The following CTNNA2 variants were observed in gnomAD, a reference collection of about 807,000 sequenced individuals.
CTNNA2 encodes catenin alpha-2.
A neutral mutation model predicts 101.0 loss-of-function variants in CTNNA2; 42 were observed. The ratio of observed to expected loss-of-function variants is 0.42; its 90% confidence interval spans 0.32 to 0.54. The LOEUF (loss-of-function observed/expected upper bound fraction) is 0.54. Ranked by LOEUF, CTNNA2 falls within the 20% of genes least tolerant of loss-of-function variation. CTNNA2 has a pLI of 0.14. For synonymous variants in CTNNA2, 450 were observed against 456.4 expected, an observed-to-expected ratio of 0.99 and a Z score of 0.18; for missense variants, 871 against 1,223.1, an observed-to-expected ratio of 0.71 and a Z score of 4.29.
At chr2:79,459,553 G>A (rs540865077) in intron 4 of CTNNA2, among the ~76,000 whole-genome samples, 10 of 152,124 alleles carry the variant, frequency 6.6e-5, no homozygotes, top group South Asian at 6.2e-4. Context: ...AGTTTTACTC[G>A]TAGGAACATT....
intron 1 of CTNNA2, among the ~76,000 whole-genome samples, chr2:79,647,574 C>T (rs1326194516): frequency 6.6e-6 from 1 of 152,072 alleles, no homozygotes; most frequent in African/African-American, 2.4e-5. Context: ...AGTGTGATCT[C>T]TGCCGAGACA....
intron 7 of CTNNA2, among the ~76,000 whole-genome samples, chr2:80,057,001 A>G (rs758652087): frequency 3.3e-5 from 5 of 152,230 alleles, no homozygotes; most frequent in South Asian, 4.1e-4. Flanking sequence ...TTGAATTTAC[A>G]TATCTTCACT....
chr2:80,335,124 G>C (rs1414427102), intron 7 of CTNNA2, among the ~76,000 whole-genome samples: 2 of 152,188 alleles, frequency 1.3e-5, no homozygotes, highest in African/African-American at 4.8e-5. Flanking sequence ...TTCAGTATGA[G>C]GTTAGGAAAA....
At chr2:80,451,067 A>G (rs1163366083) in intron 9 of CTNNA2, among the ~76,000 whole-genome samples, 1 of 151,990 alleles carries the variant, frequency 6.6e-6, no homozygotes, top group African/African-American at 2.4e-5. Context: ...CTGGTGCATT[A>G]TCCTTTGTGT....
intron 2 of CTNNA2, among the ~76,000 whole-genome samples, chr2:79,685,126 A>C (rs1165071862): frequency 6.6e-6 from 1 of 152,086 alleles, no homozygotes; most frequent in Non-Finnish European, 1.5e-5. Flanking sequence ...AAAATTGCTA[A>C]TTTATTTATT....
intron 7 of CTNNA2, among the ~76,000 whole-genome samples, chr2:80,204,336 C>T (rs1294820376): frequency 6.6e-6 from 1 of 152,106 alleles, no homozygotes; most frequent in East Asian, 1.9e-4. Flanking sequence ...GCTGTCTTTC[C>T]CCTTTAAAAC....
At chr2:80,120,890 G>A (rs187860540) in intron 7 of CTNNA2, among the ~76,000 whole-genome samples, 1 of 152,296 alleles carries the variant, frequency 6.6e-6, no homozygotes, top group Admixed American at 6.5e-5. Flanking sequence ...TGTCCCATGT[G>A]CCTCAATGAT....
intron 7 of CTNNA2, among the ~76,000 whole-genome samples, chr2:80,096,560 T>G (rs1158900563): frequency 6.6e-6 from 1 of 152,160 alleles, no homozygotes; most frequent in Non-Finnish European, 1.5e-5. Flanking sequence ...CTGGATATCC[T>G]TGTTAACTTT....
chr2:80,071,281 A>G (rs928220583), intron 7 of CTNNA2, among the ~76,000 whole-genome samples: 6 of 152,256 alleles, frequency 3.9e-5, no homozygotes, highest in African/African-American at 1.4e-4. Flanking sequence ...GTAACAAGAA[A>G]GAAAGGAGAG....
intron 6 of CTNNA2, among the ~76,000 whole-genome samples, chr2:79,907,665 T>C (rs1162284384): frequency 1.3e-5 from 2 of 152,194 alleles, no homozygotes; most frequent in East Asian, 3.8e-4. Context: ...TTGGGTAAAG[T>C]AAACATCCCT....
At chr2:79,657,031 A>C (rs1043695965) in intron 2 of CTNNA2, among the ~76,000 whole-genome samples, 1 of 146,926 alleles carries the variant, frequency 6.8e-6, no homozygotes, top group Non-Finnish European at 1.5e-5. Context: ...GATATAAAAA[A>C]TAAACTATGA....
chr2:80,132,595 C>G (rs111609916), intron 7 of CTNNA2, among the ~76,000 whole-genome samples: 71 of 152,230 alleles, frequency 4.7e-4, no homozygotes, highest in African/African-American at 1.6e-3. Flanking sequence ...TAACAAGTTA[C>G]TCTTGGCAGC....
chr2:80,217,207 C>G (rs978703618), intron 7 of CTNNA2, among the ~76,000 whole-genome samples: 2 of 152,056 alleles, frequency 1.3e-5, no homozygotes, highest in South Asian at 2.1e-4. Flanking sequence ...TTGAAGCAAA[C>G]ACTACAGGGT....
chr2:80,456,015 A>G (rs773907529), intron 9 of CTNNA2, among the ~76,000 whole-genome samples: 3 of 152,198 alleles, frequency 2.0e-5, no homozygotes, highest in Admixed American at 6.5e-5. Context: ...TTACTGTTCA[A>G]TGCTTGCCAG....
intron 13 of CTNNA2, among the ~76,000 whole-genome samples, chr2:80,579,721 C>T (rs928470790): frequency 6.6e-6 from 1 of 152,136 alleles, no homozygotes; most frequent in African/African-American, 2.4e-5. Flanking sequence ...GAGTGATATG[C>T]CAAAGCTTGG....
intron 7 of CTNNA2, among the ~76,000 whole-genome samples, chr2:80,135,695 G>GAAGACAGTCCTGTTCTTCAGGA (rs1315214655): frequency 2.0e-5 from 3 of 152,150 alleles, no homozygotes; most frequent in African/African-American, 7.2e-5. Flanking sequence ...TAAGTGCTGG[G>GAAGACAGTCCTGTTCTTCAGGA]AAGACAGTCC....
intron 7 of CTNNA2, among the ~76,000 whole-genome samples, chr2:80,339,359 A>C (rs543123786): frequency 3.3e-4 from 50 of 152,340 alleles, no homozygotes; most frequent in African/African-American, 1.2e-3. Context: ...AATGAGGTCT[A>C]TGCCAAAACT....
At chr2:79,763,108 A>C (rs1334430142) in intron 3 of CTNNA2, among the ~76,000 whole-genome samples, 4 of 152,202 alleles carry the variant, frequency 2.6e-5, no homozygotes, top group African/African-American at 9.6e-5. Flanking sequence ...TGACAATGGG[A>C]GTAATAATTT....
Position 79,937,184 on chromosome 2 carries a change from G to A in CTNNA2, c.1056+27387G>A, listed in dbSNP as rs372329491. On this transcript the variant is annotated intron_variant, in intron 7 of 18. Coordinates refer to ENST00000402739, the MANE Select transcript of CTNNA2 (RefSeq NM_001282597.3). ...CAACATCATAATAGTATTTGGTAGT[G>A]CTTTGCTTTAAACATCAATTTTTGT... is the stretch of plus-strand genomic sequence containing the variant. Among the ~76,000 whole-genome samples the A allele has an allele frequency of 5.9e-5, 9 of 151,384 alleles. No homozygotes were observed. The East Asian group carries it at 5.9e-4, about 10-fold the overall frequency.
Sources: gnomAD v4.1 joint callset for allele counts (sites outside exome capture counted in the v4.1 genomes callset) on GRCh38, gnomAD v4.1.1 for gene constraint, MANE v1.5 for transcripts, NCBI Gene and HGNC (gene_info 2026-07-23, HGNC 2026-07-21) for gene names.